Variants in AGBL1 observed in about 807,000 individuals in gnomAD.
AGBL1 encodes the protein cytosolic carboxypeptidase 4.
AGBL1 carries 130 observed loss-of-function variants against 118.9 expected under a neutral mutation model. The observed-to-expected ratio is 1.09, with a 90% CI of 0.95 to 1.26. The LOEUF (loss-of-function observed/expected upper bound fraction) is 1.26, where lower values mean the gene tolerates loss of function less well. Among genes scored for constraint, AGBL1 ranks in the 50% most tolerant of loss-of-function variants. AGBL1 has a pLI of 0.00. For synonymous variants in AGBL1, 555 were observed against 478.9 expected (o/e 1.16, Z -2.08); for missense variants, 1,584 against 1,298.1 (o/e 1.22, Z -3.38).
chr15:86,557,376 GCT>G (rs1202600910), intron 21 of AGBL1, among the ~76,000 whole-genome samples: 1 of 152,192 alleles, frequency 6.6e-6, no homozygotes, highest in African/African-American at 2.4e-5. Context: ...AAGGCATGTG[GCT>G]GGGCCCCAGG....
At chr15:86,487,215 G>C (rs761926200) in intron 18 of AGBL1, among the ~76,000 whole-genome samples, 2 of 152,166 alleles carry the variant, frequency 1.3e-5, no homozygotes, top group African/African-American at 2.4e-5. Flanking sequence ...GATGGCCACA[G>C]GGTGCAGCGT....
chr15:86,783,356 C>A lies in AGBL1; in HGVS notation c.3158+108920C>A, dbSNP rs2078360850. Among the ~76,000 whole-genome samples, 3 of 152,314 alleles carry A rather than the reference C, an allele frequency of 2.0e-5. No homozygotes were observed. The South Asian group carries it at 6.2e-4, about 32-fold the overall frequency. On this transcript the variant is annotated intron_variant, in intron 22 of 22. Coordinates refer to ENST00000614907, the MANE Select transcript of AGBL1 (RefSeq NM_001386094.1). ...CAGCTACTATGGAATTTCCTAATCT[C>A]TGGGGATCTCCAGAAAGTCTGTTGT... is the stretch of plus-strand genomic sequence containing the variant.
chr15:86,571,338 C>T (rs1243580951), intron 21 of AGBL1, among the ~76,000 whole-genome samples: 1 of 152,122 alleles, frequency 6.6e-6, no homozygotes, highest in African/African-American at 2.4e-5. Flanking sequence ...GTCCCGAGTT[C>T]TTGTTTTGCA....
chr15:86,539,492 C>A (rs1350714599), intron 19 of AGBL1, among the ~76,000 whole-genome samples: 1 of 152,184 alleles, frequency 6.6e-6, no homozygotes, highest in Non-Finnish European at 1.5e-5. Context: ...ATCTGATCAT[C>A]TTGCTCCTTC....
chr15:86,911,725 T>G lies in AGBL1; in HGVS notation c.*4431T>G, dbSNP rs2080354710. The G allele has an allele frequency of 6.6e-6, 1 of 152,212 alleles. No individual in the cohort carries two copies. The highest frequency in any genetic ancestry group is 2.4e-5 in the African/African-American group (1 of 41,454). 9.4% of individuals were successfully genotyped at this position (152,212 alleles called of 1,614,324 possible). A position where few individuals can be genotyped will look rare whatever the true frequency, so the allele number is the denominator to read the frequency against. Reference sequence around the variant, plus strand: ...TTTCACATTTTTCCTCTGCCTCTGATAAGAATCTCCCATTCTCTCATTTGG... The same window carrying G: ...TTTCACATTTTTCCTCTGCCTCTGAGAAGAATCTCCCATTCTCTCATTTGG... On this transcript the variant is annotated 3_prime_UTR_variant, in exon 23 of 23. Coordinates refer to ENST00000614907, the MANE Select transcript of AGBL1 (RefSeq NM_001386094.1).
chr15:86,902,799 T>G (rs936581678), intron 22 of AGBL1, among the ~76,000 whole-genome samples: 3 of 152,176 alleles, frequency 2.0e-5, no homozygotes, highest in Admixed American at 6.5e-5. Context: ...CCTATGGCAT[T>G]GTTCCCCTAA....
chr15:86,802,667 G>C (rs34310785), intron 22 of AGBL1, among the ~76,000 whole-genome samples: 1 of 152,146 alleles, frequency 6.6e-6, no homozygotes, highest in African/African-American at 2.4e-5. Flanking sequence ...TCACAGTCTA[G>C]TAATTGAGGG....
chr15:86,728,515 A>C (rs1344794059), intron 22 of AGBL1, among the ~76,000 whole-genome samples: 1 of 152,166 alleles, frequency 6.6e-6, no homozygotes, highest in Non-Finnish European at 1.5e-5. Context: ...CGCCTCCAGC[A>C]TCTTTTCAGC....
Position 86,560,653 on chromosome 15 carries a change from C to T in AGBL1, c.2994+6116C>T, listed in dbSNP as rs1215002382. Among the ~76,000 whole-genome samples the T allele has an allele frequency of 2.0e-5, 3 of 152,056 alleles. No homozygotes were observed. In the East Asian group the frequency reaches 5.8e-4, roughly 29 times the overall value. On this transcript the variant is annotated intron_variant, in intron 21 of 22. Coordinates refer to ENST00000614907, the MANE Select transcript of AGBL1 (RefSeq NM_001386094.1). ...GATTTATAATCCTTTGGTTATATAC[C>T]CAGTAATGGGATGGCTGAGTCAAAT...
chr15:87,020,704 A>G (rs1355113612), intron 24 of AGBL1, among the ~76,000 whole-genome samples: 1 of 152,112 alleles, frequency 6.6e-6, no homozygotes, highest in Non-Finnish European at 1.5e-5. Flanking sequence ...TGCACTAAAA[A>G]CAGGCAAGCA....
At chr15:86,158,847 A>T (rs1597473140) in intron 4 of AGBL1, 86 bp from the exon 5 acceptor site, 3 of 840,110 alleles carry the variant, frequency 3.6e-6, no homozygotes, top group Non-Finnish European at 5.1e-6. Context: ...GTTGCCCCTT[A>T]AAGATTTAAA....
At chr15:86,655,373 C>G (rs537207832) in intron 21 of AGBL1, among the ~76,000 whole-genome samples, 2 of 152,122 alleles carry the variant, frequency 1.3e-5, no homozygotes, top group East Asian at 1.9e-4. Flanking sequence ...TACCAATACA[C>G]GCAATGATGT....
At chr15:86,473,032 T>C (rs984570088) in intron 18 of AGBL1, among the ~76,000 whole-genome samples, 1 of 152,232 alleles carries the variant, frequency 6.6e-6, no homozygotes, top group Non-Finnish European at 1.5e-5. Context: ...TTCTTATAAC[T>C]ACAATAGTAT....
intron 1 of AGBL1, among the ~76,000 whole-genome samples, chr15:86,087,896 C>T (rs138300528): frequency 0.012 from 1,812 of 152,338 alleles, 26 homozygotes; most frequent in South Asian, 0.032. Flanking sequence ...TGGAGACCCT[C>T]ACCTAGCACA....
intron 7 of AGBL1, among the ~76,000 whole-genome samples, chr15:86,253,214 A>G (rs2078844196): frequency 6.6e-6 from 1 of 152,148 alleles, no homozygotes; most frequent in African/African-American, 2.4e-5. Context: ...TCCTTGAACT[A>G]TGATAGGGAC....
chr15:86,080,152 G>T lies in AGBL1; in HGVS notation c.51+129G>T, dbSNP rs1038154479. 1.3e-5 allele frequency: 8 copies of T among 620,334 alleles called. No individual in the cohort carries two copies. In the African/African-American group the frequency reaches 1.5e-4, roughly 12 times the overall value. 38.4% of individuals were successfully genotyped at this position (620,334 alleles called of 1,614,324 possible). A position where few individuals can be genotyped will look rare whatever the true frequency, so the allele number is the denominator to read the frequency against. On this transcript the variant is annotated intron_variant, in intron 1 of 22. Coordinates refer to ENST00000614907, the MANE Select transcript of AGBL1 (RefSeq NM_001386094.1). ...CAGTTTGTTAACAGCAAGAGAACAG[G>T]AGTCGGCTCTCACCTTGAAGCTGAC...
At chr15:86,348,550 C>A (rs915298390) in intron 17 of AGBL1, among the ~76,000 whole-genome samples, 2 of 152,068 alleles carry the variant, frequency 1.3e-5, no homozygotes, top group African/African-American at 4.8e-5. Flanking sequence ...GAGGCTGAGG[C>A]GGGCGGATCA....
chr15:86,882,215 C>T (rs2079903786), intron 22 of AGBL1, among the ~76,000 whole-genome samples: 1 of 152,146 alleles, frequency 6.6e-6, no homozygotes, highest in African/African-American at 2.4e-5. Flanking sequence ...ACTTGCTGTA[C>T]TTTGTTTCCT....
chr15:86,997,652 G>T (rs543769420), intron 24 of AGBL1, among the ~76,000 whole-genome samples: 65 of 151,996 alleles, frequency 4.3e-4, no homozygotes, highest in African/African-American at 1.3e-3. Flanking sequence ...GATGTGCTAG[G>T]TTTCTTTTTG....
Sources: allele counts gnomAD v4.1 joint callset (sites outside exome capture counted in the v4.1 genomes callset), GRCh38; gene constraint gnomAD v4.1.1; transcripts MANE v1.5; gene names NCBI Gene and HGNC (gene_info 2026-07-23, HGNC 2026-07-21).